Variants in ZNF568 observed in about 807,000 individuals in gnomAD.
ZNF568 encodes p53 inhibitor of SCO2 activation.
ZNF568 carries 11 observed loss-of-function variants against 18.1 expected under a neutral mutation model. The ratio of observed to expected loss-of-function variants is 0.61; its 90% CI spans 0.38 to 1.00. The LOEUF (loss-of-function observed/expected upper bound fraction) is 1.00. ZNF568 is among the 50% of genes least tolerant of loss of function. The pLI is 0.01. For synonymous variants in ZNF568, 213 were observed against 246.6 expected (o/e 0.86, Z 1.28); for missense variants, 639 against 768.2 (o/e 0.83, Z 1.99).
downstream of ZNF568, among the ~76,000 whole-genome samples, chr19:36,981,637 G>T (rs2074332194): frequency 6.6e-6 from 1 of 152,132 alleles, no homozygotes; most frequent in African/African-American, 2.4e-5. Flanking sequence ...CACGTAAGGA[G>T]ACCGAGGCAG....
intron 6 of ZNF568, among the ~76,000 whole-genome samples, chr19:36,939,780 C>A (rs1163987522): frequency 6.6e-6 from 1 of 152,042 alleles, no homozygotes; most frequent in African/African-American, 2.4e-5. Flanking sequence ...ACCTCGTGAT[C>A]CGCCCACCTC....
intron 6 of ZNF568, among the ~76,000 whole-genome samples, chr19:36,974,209 G>A (rs1037704408): frequency 1.3e-5 from 2 of 152,170 alleles, no homozygotes; most frequent in African/African-American, 4.8e-5. Flanking sequence ...TATGGAGGAA[G>A]AGGGCTACGG....
chr19:36,917,798 G>A (rs2073371505), intron 2 of ZNF568, 150 bp downstream of exon 2: 1 of 151,914 alleles, frequency 6.6e-6, no homozygotes, highest in African/African-American at 2.4e-5. Flanking sequence ...TTCTCCCCTA[G>A]GTTGGTTTCT....
intron 6 of ZNF568, among the ~76,000 whole-genome samples, chr19:36,959,432 T>C (rs2074131547): frequency 6.6e-6 from 1 of 152,184 alleles, no homozygotes; most frequent in Non-Finnish European, 1.5e-5. Flanking sequence ...TTTTGAGGAT[T>C]TTTGCATCTA....
At chr19:36,928,681 A>C (rs564294579) in intron 4 of ZNF568, among the ~76,000 whole-genome samples, 27 of 152,326 alleles carry the variant, frequency 1.8e-4, no homozygotes, top group African/African-American at 6.0e-4. Flanking sequence ...AAATATGGAC[A>C]CAAAATTAAT....
intron 4 of ZNF568, among the ~76,000 whole-genome samples, chr19:36,930,636 G>T (rs954550237): frequency 6.6e-6 from 1 of 152,132 alleles, no homozygotes; most frequent in Non-Finnish European, 1.5e-5. Flanking sequence ...CCCTATCTTT[G>T]TTGTGGTGTA....
rs2074069599 is a variant in ZNF568 at position 36,952,105 on chromosome 19, T to C, written c.*1017T>C. On this transcript the variant is annotated 3_prime_UTR_variant, in exon 7 of 7. Transcript: ENST00000333987. The stretch of plus-strand genomic sequence containing the variant: ...CACTTCTAGGTATATATACATCCTA[T>C]AGAAACTCACAAATAATGCATAAGA... The C allele has an allele frequency of 2.3e-5, 20 of 851,520 alleles. No individual in the cohort carries two copies. The South Asian group carries it at 9.3e-4, about 40-fold the overall frequency. The allele number at this position is 851,520 out of a possible 1,614,324, so 52.7% of individuals were successfully genotyped here.
chr19:36,988,016 C>T (rs1277540101), intron 2 of ZNF568, among the ~76,000 whole-genome samples: 1 of 152,136 alleles, frequency 6.6e-6, no homozygotes, highest in Non-Finnish European at 1.5e-5. Context: ...CAGGCTTTCT[C>T]TAGGAGAAAC....
chr19:36,942,593 C>A (rs531069464), intron 6 of ZNF568, among the ~76,000 whole-genome samples: 15 of 100,688 alleles, frequency 1.5e-4, no homozygotes, highest in African/African-American at 5.9e-4. Context: ...GACCAGACTC[C>A]GTCTCAAAAA....
intron 6 of ZNF568, among the ~76,000 whole-genome samples, chr19:36,959,757 T>C (rs918004710): frequency 6.6e-6 from 1 of 152,160 alleles, no homozygotes; most frequent in African/African-American, 2.4e-5. Flanking sequence ...CAGGAATATA[T>C]CTGTTTTCCC....
At chr19:36,952,750 C>G (rs2074077837), downstream of ZNF568, 1 of 681,264 alleles carries the variant, frequency 1.5e-6, no homozygotes, top group Admixed American at 6.3e-5. Flanking sequence ...TGAATGTTTA[C>G]TTGTAATAGT....
intron 3 of ZNF568, chr19:36,991,335 C>T (rs187014821): frequency 4.6e-5 from 69 of 1,489,226 alleles, no homozygotes; most frequent in Middle Eastern, 1.7e-4. Flanking sequence ...CCCCCTGCCC[C>T]GCCAAACACA....
At chr19:36,993,189 G>A (rs1315123704) in intron 4 of ZNF568, among the ~76,000 whole-genome samples, 2 of 152,108 alleles carry the variant, frequency 1.3e-5, no homozygotes, top group Non-Finnish European at 2.9e-5. Flanking sequence ...TACTTTTTCT[G>A]CATCTATTAA....
downstream of ZNF568, among the ~76,000 whole-genome samples, chr19:36,955,610 ATTC>A (rs1426626961): frequency 3.9e-5 from 6 of 152,290 alleles, no homozygotes; most frequent in East Asian, 7.7e-4. Context: ...ATCATGGTGA[ATTC>A]TTCTTTTCCT....
chr19:36,981,425 C>T (rs535596398), downstream of ZNF568, among the ~76,000 whole-genome samples: 6 of 152,134 alleles, frequency 3.9e-5, no homozygotes, highest in Admixed American at 1.3e-4. Context: ...GACATTTTTA[C>T]GGTATTGAGT....
chr19:36,936,903 C>A, intron 5 of ZNF568, 31 bp downstream of exon 5: 2 of 1,604,838 alleles, frequency 1.2e-6, no homozygotes, highest in Admixed American at 1.7e-5. Context: ...TGCAATTTAA[C>A]AGAGAATTCT....
rs371910687 is a variant in ZNF568, at chr19:36,996,797, G to T, written c.710G>T (p.Cys237Phe). ...AATACTGGAGAGAAACCTCATAAAT[G>T]TAAGGAATGTGGGAAAGCCTTTCGT... Residue 237 changes from cysteine to phenylalanine, a missense_variant, in exon 5 of 5, where the codon TGT becomes TTT. Transcript: ENST00000433993. The T allele has an allele frequency of 7.7e-6, 12 of 1,554,210 alleles. No homozygotes were observed. In the African/African-American group the frequency reaches 1.4e-4, roughly 18 times the overall value.
chr19:36,992,114 G>C (rs1286072885), intron 4 of ZNF568, among the ~76,000 whole-genome samples: 2 of 151,884 alleles, frequency 1.3e-5, no homozygotes, highest in South Asian at 4.2e-4. Flanking sequence ...CTGGTGGTGC[G>C]TGCCTGTAAT....
downstream of ZNF568, among the ~76,000 whole-genome samples, chr19:36,954,798 G>A (rs1030879009): frequency 2.0e-5 from 3 of 150,014 alleles, no homozygotes; most frequent in Admixed American, 6.7e-5. Context: ...GGCTGGTCTC[G>A]AATCCTGACC....
Sources: allele counts gnomAD v4.1 joint callset (sites outside exome capture counted in the v4.1 genomes callset), GRCh38; gene constraint gnomAD v4.1.1; transcripts MANE v1.5; gene names NCBI Gene and HGNC (gene_info 2026-07-23, HGNC 2026-07-21).